SYTL3: variants seen among roughly 807,000 people sequenced by gnomAD.
SYTL3 encodes synaptotagmin-like protein 3.
Under a neutral mutation model 82.1 loss-of-function variants are expected in SYTL3, and 88 were observed. That is an observed-to-expected ratio of 1.07 (90% confidence interval 0.90 to 1.28). The LOEUF is 1.28. Ranked by LOEUF, SYTL3 falls within the 50% of genes most tolerant of loss-of-function variation. The pLI is 0.00. For synonymous variants in SYTL3, 311 were observed against 289.4 expected (o/e 1.07, Z -0.76); for missense variants, 831 against 757.6 (o/e 1.10, Z -1.14).
intron 1 of SYTL3, among the ~76,000 whole-genome samples, chr6:158,651,209 T>G (rs1427954765): frequency 6.6e-6 from 1 of 152,202 alleles, no homozygotes; most frequent in Non-Finnish European, 1.5e-5. Flanking sequence ...TTAAACTATC[T>G]GGTTCAGAGT....
At chr6:158,699,791 T>C (rs111946577) in intron 6 of SYTL3, among the ~76,000 whole-genome samples, 2 of 150,290 alleles carry the variant, frequency 1.3e-5, no homozygotes, top group African/African-American at 4.9e-5. Flanking sequence ...CTACTAAAAA[T>C]ACAAAAATTA....
Position 158,691,479 on chromosome 6 carries a change from AAAATTCATCTC to A in SYTL3, c.394+8491_394+8501del, listed in dbSNP as rs1583249126. 7.2e-5 allele frequency among the ~76,000 whole-genome samples: 11 copies of A among 152,310 alleles called. No homozygotes were observed. In the East Asian group the frequency reaches 2.1e-3, roughly 29 times the overall value. On this transcript the variant is annotated intron_variant, in intron 6 of 17. Coordinates refer to ENST00000611299, the MANE Select transcript of SYTL3 (RefSeq NM_001242394.2). Reference sequence around the variant, plus strand: ...TCACTAATAACTAGAAAACAAGCTGAAAATTCATCTCTCCTCTTTTGGCATCTGCTAAGCGT... The same window carrying A: ...TCACTAATAACTAGAAAACAAGCTGATCCTCTTTTGGCATCTGCTAAGCGT...
At chr6:158,695,634 A>G (rs1780479466) in intron 6 of SYTL3, among the ~76,000 whole-genome samples, 2 of 152,176 alleles carry the variant, frequency 1.3e-5, no homozygotes, top group Non-Finnish European at 2.9e-5. Flanking sequence ...CATCACCACC[A>G]TCTGTTTCTA....
intron 8 of SYTL3, among the ~76,000 whole-genome samples, chr6:158,710,791 T>C (rs1441843460): frequency 6.6e-6 from 1 of 152,030 alleles, no homozygotes; most frequent in African/African-American, 2.4e-5. Context: ...TTTTGCTTTT[T>C]TCTTTTTTTG....
chr6:158,694,294 T>TC (rs1021721905), intron 6 of SYTL3, among the ~76,000 whole-genome samples: 3 of 151,980 alleles, frequency 2.0e-5, no homozygotes, highest in Non-Finnish European at 4.4e-5. Context: ...TTGATTTTAT[T>TC]CTTTTTTTTT....
intron 7 of SYTL3, among the ~76,000 whole-genome samples, chr6:158,708,017 GT>G (rs1295341241): frequency 1.3e-5 from 2 of 152,162 alleles, no homozygotes; most frequent in Non-Finnish European, 2.9e-5. Flanking sequence ...GGAACCAGGG[GT>G]TTCCCCGCAG....
rs1783040578 is a variant in SYTL3 at position 158,713,841 on chromosome 6, G to A, written c.558G>A (p.Val186=). ...AGTTTAGAGGATTTAATAAGTCCGT[G>A]GAAAATTTGTTTCTGTCTCTTGCTA... ...FGQFRGFNKS[V]ENLFLSLATH... Residue 186 remains valine (V), a synonymous_variant, in exon 9 of 18, where the codon GTG becomes GTA. Coordinates refer to ENST00000611299, the MANE Select transcript of SYTL3 (RefSeq NM_001242394.2). 6.4e-7 allele frequency: 1 copy of A among 1,550,878 alleles called. No individual in the cohort carries two copies. Among genetic ancestry groups the A allele is most frequent in the Non-Finnish European group, 8.7e-7 (1 of 1,146,808 alleles).
At chr6:158,683,217 T>A (rs1778923433) in intron 6 of SYTL3, among the ~76,000 whole-genome samples, 1 of 66,750 alleles carries the variant, frequency 1.5e-5, no homozygotes, top group South Asian at 5.6e-4. Context: ...CCCTATTCCT[T>A]TTTTTTTTTT....
At chr6:158,648,562 G>A (rs1218740686), upstream of SYTL3, among the ~76,000 whole-genome samples, 31 of 145,634 alleles carry the variant, frequency 2.1e-4, no homozygotes, top group Non-Finnish European at 3.9e-4. Context: ...CTGCAGTCCC[G>A]ACTGGGTGAA....
chr6:158,713,925 G>C, intron 9 of SYTL3, 47 bp downstream of exon 9: 1 of 1,439,454 alleles, frequency 6.9e-7, no homozygotes, highest in South Asian at 1.2e-5. Flanking sequence ...TTCCAGGCCA[G>C]CCGAGCCCAC....
chr6:158,701,850 C>CT (rs1304673714), intron 6 of SYTL3, among the ~76,000 whole-genome samples: 1 of 151,946 alleles, frequency 6.6e-6, no homozygotes, highest in Non-Finnish European at 1.5e-5. Flanking sequence ...GGGTAGAACG[C>CT]TGCCTCCCTC....
chr6:158,665,307 CAT>C (rs1015346117), intron 4 of SYTL3, 86 bp from the exon 5 acceptor site: 1 of 1,280,180 alleles, frequency 7.8e-7, no homozygotes, highest in African/African-American at 1.5e-5. Flanking sequence ...CTTCCCTTGC[CAT>C]GGGGGTTACT....
chr6:158,694,002 T>C (rs1021403455), intron 6 of SYTL3, among the ~76,000 whole-genome samples: 2 of 152,022 alleles, frequency 1.3e-5, no homozygotes, highest in African/African-American at 4.8e-5. Context: ...CTGCTTTTAT[T>C]TTAAAGGAAA....
At chr6:158,648,806 A>G (rs1420094670), upstream of SYTL3, among the ~76,000 whole-genome samples, 2 of 152,172 alleles carry the variant, frequency 1.3e-5, no homozygotes, top group African/African-American at 2.4e-5. Context: ...TGAAACACTC[A>G]TGGCTGAGGA....
chr6:158,717,561 C>A (rs1390350407), intron 9 of SYTL3, among the ~76,000 whole-genome samples: 2 of 152,108 alleles, frequency 1.3e-5, no homozygotes, highest in Non-Finnish European at 2.9e-5. Context: ...CACTATTACA[C>A]TGTAAAAATG....
chr6:158,745,571 A>G lies in SYTL3; in HGVS notation c.947A>G (p.Tyr316Cys), dbSNP rs372054769. 7 of 1,613,886 alleles carry G rather than the reference A, an allele frequency of 4.3e-6. No homozygotes were observed. The highest frequency in any genetic ancestry group is 3.3e-4 in the Middle Eastern group (2 of 6,058). The change falls in exon 12 of 18, where the codon TAT becomes TGT. Residue 316 changes from tyrosine (Y) to cysteine (C), a missense_variant. Physicochemically the swap from Tyr to Cys is radical, Grantham distance 194. Transcript: ENST00000611299. ...GGAGAAATAGAATTTGCCATTCATT[A>G]TTGCTTCAAAACCCATTCTTTAGAA... Reference protein sequence around the residue: ...VTGEIEFAIHYCFKTHSLEIC... With the variant: ...VTGEIEFAIHCCFKTHSLEIC...
upstream of SYTL3, among the ~76,000 whole-genome samples, chr6:158,646,261 G>A (rs1787451042): frequency 6.6e-6 from 1 of 152,108 alleles, no homozygotes; most frequent in African/African-American, 2.4e-5. Context: ...GAACTCCTGG[G>A]CTCAAGGTAT....
intron 12 of SYTL3, among the ~76,000 whole-genome samples, chr6:158,746,352 A>G (rs755460373): frequency 1.1e-4 from 16 of 151,848 alleles, no homozygotes; most frequent in Non-Finnish European, 2.1e-4. Flanking sequence ...CACGCAGGAA[A>G]TACAAAATTA....
chr6:158,755,466 G>A (rs1235119005), intron 13 of SYTL3, among the ~76,000 whole-genome samples: 2 of 152,238 alleles, frequency 1.3e-5, no homozygotes, highest in Non-Finnish European at 2.9e-5. Context: ...CCCCAGCGGG[G>A]AGGAAAAGGA....
Sources: allele counts gnomAD v4.1 joint callset (sites outside exome capture counted in the v4.1 genomes callset), GRCh38; gene constraint gnomAD v4.1.1; transcripts MANE v1.5; gene names NCBI Gene and HGNC (gene_info 2026-07-23, HGNC 2026-07-21).